The following SLC2A13 variants were observed in gnomAD, a reference collection of about 807,000 sequenced individuals.
The protein encoded by SLC2A13 is solute carrier family 2 member 13.
In SLC2A13, 32 loss-of-function variants were observed where a neutral mutation model predicts 64.4. That is an observed-to-expected ratio of 0.50 (90% CI 0.37 to 0.67). The LOEUF (loss-of-function observed/expected upper bound fraction) is 0.67, where lower values mean the gene tolerates loss of function less well. Ranked by LOEUF, SLC2A13 falls within the 30% of genes least tolerant of loss-of-function variation. SLC2A13 has a pLI of 0.00. For synonymous variants in SLC2A13, 338 were observed against 327.1 expected (o/e 1.03, Z -0.36); for missense variants, 743 against 829.2 (o/e 0.90, Z 1.28).
intron 1 of SLC2A13, among the ~76,000 whole-genome samples, chr12:40,103,896 T>C (rs1939219874): frequency 1.3e-5 from 2 of 152,360 alleles, no homozygotes; most frequent in South Asian, 4.1e-4. Context: ...GCCAACTTAA[T>C]ATGTTACGGA....
At chr12:39,894,576 C>A (rs1320724672) in intron 4 of SLC2A13, among the ~76,000 whole-genome samples, 1 of 152,116 alleles carries the variant, frequency 6.6e-6, no homozygotes, top group Non-Finnish European at 1.5e-5. Context: ...GACTAAAATA[C>A]AAGACAGACT....
At chr12:40,080,008 ACAC>A (rs1201608926) in intron 1 of SLC2A13, among the ~76,000 whole-genome samples, 3 of 151,942 alleles carry the variant, frequency 2.0e-5, no homozygotes, top group Non-Finnish European at 2.9e-5. Context: ...GTACAGCTGT[ACAC>A]CACCACACCT....
rs370246586 is a variant in SLC2A13 at position 39,760,214 on chromosome 12, G to T, written c.1759C>A (p.Leu587Ile). The T allele has an allele frequency of 1.2e-5, 20 of 1,612,640 alleles. No homozygotes were observed. The highest frequency in any genetic ancestry group is 1.6e-5 in the Non-Finnish European group (19 of 1,179,206). ...FLYAGFAAVG[L>I]LFIYGCLPET... is the part of the protein sequence containing the mutation. Reference sequence around the variant, plus strand: ...GGAAGACAGCCATAGATGAAAAGGAGTCCCACAGCAGCAAATCCAGCATAG... The same window carrying T: ...GGAAGACAGCCATAGATGAAAAGGATTCCCACAGCAGCAAATCCAGCATAG... Residue 587 changes from leucine to isoleucine, a missense_variant, in exon 10 of 10, where the codon CTC becomes ATC. Leu to Ile is a conservative substitution (Grantham distance 5). Transcript: ENST00000280871.
At chr12:40,008,776 A>T (rs1374811549) in intron 3 of SLC2A13, among the ~76,000 whole-genome samples, 2 of 152,200 alleles carry the variant, frequency 1.3e-5, no homozygotes, top group Non-Finnish European at 2.9e-5. Context: ...AACTAAAATA[A>T]CACTATAACA....
At chr12:40,065,568 G>A (rs573818189) in intron 1 of SLC2A13, among the ~76,000 whole-genome samples, 2 of 151,824 alleles carry the variant, frequency 1.3e-5, no homozygotes, top group South Asian at 4.2e-4. Context: ...CTGGGCAACA[G>A]AATGAGACTG....
At chr12:40,034,609 ATGTCCATGTT>A (rs1452288134) in intron 2 of SLC2A13, among the ~76,000 whole-genome samples, 1 of 152,218 alleles carries the variant, frequency 6.6e-6, no homozygotes, top group Non-Finnish European at 1.5e-5. Flanking sequence ...TTAACAAATC[ATGTCCATGTT>A]AGCCCATTCT....
intron 3 of SLC2A13, among the ~76,000 whole-genome samples, chr12:39,997,582 G>C (rs554524343): frequency 6.6e-6 from 1 of 152,186 alleles, no homozygotes; most frequent in South Asian, 2.1e-4. Flanking sequence ...TGTAATCTCA[G>C]CACTTTGGGA....
chr12:40,093,427 G>A (rs1372266094), intron 1 of SLC2A13, among the ~76,000 whole-genome samples: 1 of 152,138 alleles, frequency 6.6e-6, no homozygotes, highest in Non-Finnish European at 1.5e-5. Flanking sequence ...CTATTCAATG[G>A]TGGAACAGCA....
rs1184976187 is a variant in SLC2A13, at chr12:39,756,367, T to C, written c.*3659A>G. On this transcript the variant is annotated 3_prime_UTR_variant, in exon 10 of 10. Transcript: ENST00000280871. Reference sequence around the variant, plus strand: ...GTAATTAAAAACTTGTCACAACAAGTGAATAAAAGTCAGTTGTTAGGTACT... The same window carrying C: ...GTAATTAAAAACTTGTCACAACAAGCGAATAAAAGTCAGTTGTTAGGTACT... 1 of 151,882 alleles carries C rather than the reference T, an allele frequency of 6.6e-6. No individual in the cohort carries two copies. The highest frequency in any genetic ancestry group is 1.5e-5 in the Non-Finnish European group (1 of 67,748). The allele number at this position is 151,882 out of a possible 1,614,324, so 9.4% of individuals were successfully genotyped here. A position where few individuals can be genotyped will look rare whatever the true frequency, so the allele number is the denominator to read the frequency against.
At chr12:39,899,730 A>C (rs899794450) in intron 4 of SLC2A13, among the ~76,000 whole-genome samples, 9 of 151,880 alleles carry the variant, frequency 5.9e-5, no homozygotes, top group Non-Finnish European at 1.0e-4. Flanking sequence ...GCCTTCATTT[A>C]TTTATGTACC....
intron 2 of SLC2A13, among the ~76,000 whole-genome samples, chr12:40,043,693 G>A (rs78531935): frequency 0.016 from 2,502 of 151,760 alleles, 84 homozygotes; most frequent in African/African-American, 0.057. Flanking sequence ...ATTAACTATC[G>A]AAACATCTCT....
chr12:39,755,465 G>A lies in SLC2A13; in HGVS notation c.*4561C>T, dbSNP rs1323077444. On this transcript the variant is annotated 3_prime_UTR_variant, in exon 10 of 10. Transcript: ENST00000280871. ...ATTTGAATATTTATTACAAATAAAA[G>A]ATACTTTAACATCAAGTGATATATA... is the stretch of plus-strand genomic sequence containing the variant. The A allele has an allele frequency of 1.3e-5, 2 of 152,030 alleles. No individual in the cohort carries two copies. Among genetic ancestry groups the A allele is most frequent in the African/African-American group, 4.8e-5 (2 of 41,406 alleles). 9.4% of individuals were successfully genotyped at this position (152,030 alleles called of 1,614,324 possible).
At chr12:40,073,190 A>G (rs1211754398) in intron 1 of SLC2A13, among the ~76,000 whole-genome samples, 1 of 149,948 alleles carries the variant, frequency 6.7e-6, no homozygotes, top group Non-Finnish European at 1.5e-5. Context: ...TCTGTCATGC[A>G]TTTCACATAT....
intron 6 of SLC2A13, among the ~76,000 whole-genome samples, chr12:39,853,210 T>C (rs1378279857): frequency 3.3e-5 from 5 of 152,190 alleles, no homozygotes; most frequent in Admixed American, 3.3e-4. Flanking sequence ...ACTACCTCTG[T>C]GTCTTCTTTG....
intron 1 of SLC2A13, among the ~76,000 whole-genome samples, chr12:40,058,511 G>T (rs1418213827): frequency 6.6e-6 from 1 of 151,970 alleles, no homozygotes; most frequent in Non-Finnish European, 1.5e-5. Context: ...CATAAAGCTA[G>T]ATCTCACTAA....
chr12:40,086,146 G>A (rs1938581677), intron 1 of SLC2A13, among the ~76,000 whole-genome samples: 2 of 152,120 alleles, frequency 1.3e-5, no homozygotes. Context: ...CCTCCCTGCT[G>A]CCTTCTAAGA....
chr12:39,960,710 T>A (rs1946393472), intron 3 of SLC2A13, among the ~76,000 whole-genome samples: 1 of 151,532 alleles, frequency 6.6e-6, no homozygotes, highest in African/African-American at 2.4e-5. Context: ...GTACAACGTT[T>A]ATTAAATGGT....
intron 7 of SLC2A13, among the ~76,000 whole-genome samples, chr12:39,814,327 T>A (rs2135812779): frequency 6.6e-6 from 1 of 152,300 alleles, no homozygotes; most frequent in East Asian, 1.9e-4. Flanking sequence ...ACTTATAATT[T>A]CCTCTTTGTA....
intron 7 of SLC2A13, among the ~76,000 whole-genome samples, chr12:39,823,656 C>T (rs760089928): frequency 1.3e-5 from 2 of 151,894 alleles, no homozygotes; most frequent in African/African-American, 2.4e-5. Flanking sequence ...GCTATGTTGC[C>T]CAGGCTGGCT....
Sources: allele counts gnomAD v4.1 joint callset (sites outside exome capture counted in the v4.1 genomes callset), GRCh38; gene constraint gnomAD v4.1.1; transcripts MANE v1.5; gene names NCBI Gene and HGNC (gene_info 2026-07-23, HGNC 2026-07-21).